The following NEO1 variants were observed in gnomAD, a reference collection of about 807,000 sequenced individuals.
NEO1 encodes the protein neogenin.
Under a neutral mutation model 159.7 loss-of-function variants are expected in NEO1, and 63 were observed. The observed-to-expected ratio is 0.39, with a 90% CI of 0.32 to 0.49. NEO1 has a LOEUF of 0.49. Among genes scored for constraint, NEO1 ranks in the 20% least tolerant of loss-of-function variants. The probability of loss-of-function intolerance (pLI) is 0.85; values close to 1 mark genes in which losing one functional copy is unlikely to be tolerated. For missense variants in NEO1, 1,615 were observed against 1,831.0 expected, an observed-to-expected ratio of 0.88 and a Z score of 2.15; for synonymous variants, 633 against 662.0, an observed-to-expected ratio of 0.96 and a Z score of 0.67.
intron 5 of NEO1, among the ~76,000 whole-genome samples, chr15:73,169,615 G>A (rs369807540): frequency 1.4e-5 from 2 of 147,544 alleles, no homozygotes; most frequent in East Asian, 4.0e-4. Flanking sequence ...TACTAAAAAT[G>A]CATACCGAAA....
At chr15:73,231,267 C>T (rs998699562) in intron 7 of NEO1, among the ~76,000 whole-genome samples, 2 of 152,048 alleles carry the variant, frequency 1.3e-5, no homozygotes, top group Admixed American at 1.3e-4. Context: ...TTTTTTCAGG[C>T]ACACATGGAA....
intron 7 of NEO1, among the ~76,000 whole-genome samples, chr15:73,230,340 A>G (rs1363013750): frequency 6.6e-6 from 1 of 152,046 alleles, no homozygotes; most frequent in Non-Finnish European, 1.5e-5. Flanking sequence ...TTTTTTCCCA[A>G]AATATTCCAT....
At chr15:73,289,069 T>G in intron 24 of NEO1, 77 bp from the exon 25 acceptor site, 6 of 1,093,310 alleles carry the variant, frequency 5.5e-6, no homozygotes, top group East Asian at 2.5e-5. Context: ...AATCCCCTAC[T>G]AGAAATGTTT....
At chr15:73,119,006 T>TGG (rs2071477211) in intron 2 of NEO1, among the ~76,000 whole-genome samples, 1 of 151,886 alleles carries the variant, frequency 6.6e-6, no homozygotes, top group South Asian at 2.1e-4. Flanking sequence ...TGTGTGTGTG[T>TGG]GTGTGTGCGC....
intron 7 of NEO1, among the ~76,000 whole-genome samples, chr15:73,225,027 A>G (rs75652604): frequency 0.016 from 2,450 of 151,998 alleles, 36 homozygotes; most frequent in African/African-American, 0.045. Context: ...CCCTTTTCCT[A>G]TGGATGTGGC....
At chr15:73,260,590 C>A in intron 15 of NEO1, 125 bp downstream of exon 15, 1 of 848,744 alleles carries the variant, frequency 1.2e-6, no homozygotes, top group Non-Finnish European at 1.7e-6. Flanking sequence ...GCATGTTATT[C>A]ACCTGAATTC....
At chr15:73,293,272 C>A in intron 25 of NEO1, 118 bp from the exon 26 acceptor site, 2 of 1,260,738 alleles carry the variant, frequency 1.6e-6, no homozygotes, top group Non-Finnish European at 2.2e-6. Context: ...ACCAAAAAAC[C>A]AAGGGAGTGT....
intron 16 of NEO1, among the ~76,000 whole-genome samples, chr15:73,268,465 GT>G (rs1201062543): frequency 6.6e-6 from 1 of 152,168 alleles, no homozygotes; most frequent in African/African-American, 2.4e-5. Context: ...TGCATTTTCT[GT>G]AACTAATTGG....
chr15:73,144,243 A>G (rs1252875763), intron 5 of NEO1, among the ~76,000 whole-genome samples: 1 of 152,316 alleles, frequency 6.6e-6, no homozygotes, highest in East Asian at 1.9e-4. Context: ...ACATGCATAC[A>G]TGTTTACAAA....
intron 1 of NEO1, among the ~76,000 whole-genome samples, chr15:73,115,705 A>C (rs1416230338): frequency 6.6e-6 from 1 of 152,200 alleles, no homozygotes; most frequent in Non-Finnish European, 1.5e-5. Flanking sequence ...AAAGTGATAA[A>C]GCTTTAAGTT....
chr15:73,282,234 T>C (rs979132444), intron 22 of NEO1, among the ~76,000 whole-genome samples: 3 of 152,212 alleles, frequency 2.0e-5, no homozygotes, highest in Admixed American at 2.0e-4. Context: ...CTCTGTATCA[T>C]AACCCCTCAT....
intron 1 of NEO1, among the ~76,000 whole-genome samples, chr15:73,103,907 C>T (rs1037871800): frequency 3.9e-5 from 6 of 152,264 alleles, no homozygotes; most frequent in South Asian, 2.1e-4. Flanking sequence ...CAGGCTGGAA[C>T]GCAGTGGCAT....
At chr15:73,097,639 G>T (rs1047321604) in intron 1 of NEO1, among the ~76,000 whole-genome samples, 4 of 151,930 alleles carry the variant, frequency 2.6e-5, no homozygotes, top group Non-Finnish European at 5.9e-5. Flanking sequence ...GGGATTACAG[G>T]CGCGAGCCAC....
chr15:73,304,467 G>C lies in NEO1; in HGVS notation c.*1771G>C, dbSNP rs1471243713. Reference sequence around the variant, plus strand: ...CCCCAGGCCACCTGCCTTTGAACTTGGGGATTTGCCATGTTTGATCTTGTC... The same window carrying C: ...CCCCAGGCCACCTGCCTTTGAACTTCGGGATTTGCCATGTTTGATCTTGTC... On this transcript the variant is annotated 3_prime_UTR_variant, in exon 29 of 29. Transcript: ENST00000261908. 2 of 152,206 alleles carry C rather than the reference G, an allele frequency of 1.3e-5. No individual in the cohort carries two copies. Among genetic ancestry groups the C allele is most frequent in the Non-Finnish European group, 1.5e-5 (1 of 68,062 alleles). 9.4% of individuals were successfully genotyped at this position (152,206 alleles called of 1,614,324 possible).
chr15:73,052,097 G>C (rs979120724), upstream of NEO1: 2 of 150,994 alleles, frequency 1.3e-5, no homozygotes, highest in African/African-American at 4.9e-5. Context: ...CCGCTTCTCC[G>C]GGGTTTCCCT....
intron 7 of NEO1, among the ~76,000 whole-genome samples, chr15:73,223,498 T>C (rs923543909): frequency 2.0e-4 from 31 of 152,232 alleles, no homozygotes; most frequent in African/African-American, 7.0e-4. Context: ...GATTGTGATA[T>C]TTTCCTGTTA....
chr15:73,281,382 G>A (rs2041703642), intron 22 of NEO1, among the ~76,000 whole-genome samples: 1 of 151,082 alleles, frequency 6.6e-6, no homozygotes, highest in Non-Finnish European at 1.5e-5. Context: ...AGCCTCCTGA[G>A]TAGCTGGGAC....
At chr15:73,136,642 G>A (rs1002974528) in intron 5 of NEO1, among the ~76,000 whole-genome samples, 2 of 152,118 alleles carry the variant, frequency 1.3e-5, no homozygotes, top group Non-Finnish European at 2.9e-5. Flanking sequence ...ATCACTGCAA[G>A]GGTAGTTGTT....
intron 7 of NEO1, among the ~76,000 whole-genome samples, chr15:73,217,598 T>C (rs1473961273): frequency 6.6e-6 from 1 of 152,208 alleles, no homozygotes; most frequent in Non-Finnish European, 1.5e-5. Flanking sequence ...TATCCTCTTC[T>C]ATTTCATTGA....
Sources: allele counts gnomAD v4.1 joint callset (sites outside exome capture counted in the v4.1 genomes callset), GRCh38; gene constraint gnomAD v4.1.1; transcripts MANE v1.5; gene names NCBI Gene and HGNC (gene_info 2026-07-23, HGNC 2026-07-21).